HIPK3: variants seen among roughly 807,000 people sequenced by gnomAD.
The protein encoded by HIPK3 is homeodomain-interacting protein kinase 3.
HIPK3 carries 47 observed loss-of-function variants against 124.2 expected under a neutral mutation model. That is an observed-to-expected ratio of 0.38 (90% CI 0.30 to 0.48). The LOEUF (loss-of-function observed/expected upper bound fraction) is 0.48, where lower values mean the gene tolerates loss of function less well. Among genes scored for constraint, HIPK3 ranks in the 20% least tolerant of loss-of-function variants. HIPK3 has a pLI of 0.98. For synonymous variants in HIPK3, 482 were observed against 515.2 expected (o/e 0.94, Z 0.87); for missense variants, 1,286 against 1,454.3 (o/e 0.88, Z 1.88).
intron 2 of HIPK3, among the ~76,000 whole-genome samples, chr11:33,317,831 A>G (rs931383058): frequency 1.3e-5 from 2 of 152,196 alleles, no homozygotes; most frequent in Non-Finnish European, 2.9e-5. Flanking sequence ...ATGAATTGGT[A>G]TCTGTGACTA....
rs192953951 is a variant in HIPK3, at chr11:33,322,799, C to T, written c.1098-5711C>T. ...CAAGGCTGCGCCACTGCACTCCAGC[C>T]TGGGTGACAGAGCGAGACTCCGTCT... On this transcript the variant is annotated intron_variant, in intron 2 of 16. Coordinates refer to ENST00000303296, the MANE Select transcript of HIPK3 (RefSeq NM_005734.5). Among the ~76,000 whole-genome samples the T allele has an allele frequency of 1.7e-3, 265 of 152,292 alleles. 1 individual carries two copies. The highest frequency in any genetic ancestry group is 2.9e-3 in the Non-Finnish European group (196 of 68,016).
intron 1 of HIPK3, among the ~76,000 whole-genome samples, chr11:33,283,942 T>C (rs1851480088): frequency 6.6e-6 from 1 of 152,190 alleles, no homozygotes; most frequent in Non-Finnish European, 1.5e-5. Context: ...CCCAAAGTGC[T>C]GGGAATACAG....
intron 2 of HIPK3, among the ~76,000 whole-genome samples, chr11:33,312,249 A>G (rs1852371977): frequency 6.6e-6 from 1 of 152,148 alleles, no homozygotes; most frequent in South Asian, 2.1e-4. Flanking sequence ...AATTCAGTAT[A>G]TTTGAAGGTG....
At chr11:33,327,645 A>T (rs1852851677) in intron 2 of HIPK3, among the ~76,000 whole-genome samples, 1 of 152,198 alleles carries the variant, frequency 6.6e-6, no homozygotes, top group Non-Finnish European at 1.5e-5. Flanking sequence ...AAGTATACAG[A>T]TATTTGGCAA....
chr11:33,341,658 A>C lies in HIPK3; in HGVS notation c.1869A>C (p.Thr623=), dbSNP rs1271172227. 2 of 1,613,474 alleles carry C rather than the reference A, an allele frequency of 1.2e-6. No homozygotes were observed. The highest frequency in any genetic ancestry group is 1.7e-6 in the Non-Finnish European group (2 of 1,179,626). The change falls in exon 8 of 17, where the codon ACA becomes ACC. Residue 623 remains threonine (T), a synonymous_variant. Transcript: ENST00000303296. ...GTTGTGGTGATGCTTTTCAGCAGAC[A>C]TTGATTATCTGTCCCCCAGCTATTC... is the stretch of plus-strand genomic sequence containing the variant. ...QFGCGDAFQQ[T]LIICPPAIQG...
chr11:33,348,076 T>C (rs1590193384), intron 11 of HIPK3, 63 bp downstream of exon 11: 43 of 1,607,782 alleles, frequency 2.7e-5, no homozygotes, highest in Non-Finnish European at 3.6e-5. Flanking sequence ...ATTTTGCATG[T>C]ACTCTAAAGG....
intron 2 of HIPK3, among the ~76,000 whole-genome samples, chr11:33,324,647 C>G (rs1020416108): frequency 8.5e-5 from 13 of 152,206 alleles, no homozygotes; most frequent in African/African-American, 3.1e-4. Flanking sequence ...CCTTTGGGCC[C>G]CTTCCCACCA....
intron 2 of HIPK3, among the ~76,000 whole-genome samples, chr11:33,314,892 CAT>C (rs1222761641): frequency 6.6e-6 from 1 of 152,118 alleles, no homozygotes; most frequent in Non-Finnish European, 1.5e-5. Context: ...AAATTTAAGA[CAT>C]AATTGGATTG....
At chr11:33,303,830 A>T (rs16924133) in intron 2 of HIPK3, among the ~76,000 whole-genome samples, 14,938 of 152,258 alleles carry the variant, frequency 0.098, 1,666 homozygotes, top group African/African-American at 0.28. Context: ...CTAAACTTTG[A>T]CATTAAAAGG....
intron 1 of HIPK3, among the ~76,000 whole-genome samples, chr11:33,277,040 A>G (rs934276666): frequency 6.6e-6 from 1 of 152,188 alleles, no homozygotes; most frequent in African/African-American, 2.4e-5. Flanking sequence ...CAATTACTAA[A>G]ATAGGTTATT....
chr11:33,352,039 G>A (rs1853677294), intron 15 of HIPK3, 99 bp from the exon 16 acceptor site: 2 of 1,221,882 alleles, frequency 1.6e-6, no homozygotes, highest in Non-Finnish European at 2.3e-6. Context: ...TAATTTTAAG[G>A]CTCTCAAATC....
At chr11:33,350,417 A>T (rs1187201818) in intron 14 of HIPK3, among the ~76,000 whole-genome samples, 3 of 152,100 alleles carry the variant, frequency 2.0e-5, no homozygotes, top group African/African-American at 7.2e-5. Context: ...TTGTAATCCC[A>T]GCACTTTGGG....
intron 1 of HIPK3, chr11:33,258,629 G>T (rs1850739555): frequency 1.0e-6 from 1 of 985,404 alleles, no homozygotes; most frequent in Non-Finnish European, 1.2e-6. Context: ...GAGAACTGGC[G>T]GAAAGACTTT....
At chr11:33,303,111 TGA>T (rs1433274698) in intron 2 of HIPK3, among the ~76,000 whole-genome samples, 1 of 152,216 alleles carries the variant, frequency 6.6e-6, no homozygotes, top group Non-Finnish European at 1.5e-5. Flanking sequence ...GGTTGTCCCT[TGA>T]TATCTGAGGG....
In HIPK3 at chr11:33,348,100, A is replaced by G; in HGVS notation, c.2307-66A>G. The G allele has an allele frequency of 2.4e-5, 38 of 1,601,692 alleles. No homozygotes were observed. In the South Asian group the frequency reaches 2.4e-4, roughly 10 times the overall value. On this transcript the variant is annotated intron_variant, in intron 11 of 16. Coordinates refer to ENST00000303296, the MANE Select transcript of HIPK3 (RefSeq NM_005734.5). ...GTACTCTAAAGGGTCACTCTGTTGT[A>G]TTCAAAATGACCTCTTTTATAGCTT... is the stretch of plus-strand genomic sequence containing the variant.
chr11:33,311,504 A>G (rs752810092), intron 2 of HIPK3, among the ~76,000 whole-genome samples: 37 of 152,058 alleles, frequency 2.4e-4, no homozygotes, highest in Admixed American at 4.6e-4. Flanking sequence ...GTTTTTCAAT[A>G]GACTATTTTG....
chr11:33,338,918 G>T, intron 5 of HIPK3, 75 bp downstream of exon 5: 2 of 975,244 alleles, frequency 2.1e-6, no homozygotes, highest in Non-Finnish European at 3.2e-6. Context: ...CCCAAAACAT[G>T]TTACTCAGTT....
intron 2 of HIPK3, among the ~76,000 whole-genome samples, chr11:33,297,473 G>T (rs1371332764): frequency 3.3e-5 from 5 of 152,172 alleles, no homozygotes; most frequent in Non-Finnish European, 7.3e-5. Context: ...CCAGAGCCAG[G>T]CCTTAACTCT....
intron 1 of HIPK3, among the ~76,000 whole-genome samples, chr11:33,269,313 A>G (rs1366474204): frequency 1.3e-5 from 2 of 152,172 alleles, no homozygotes; most frequent in Non-Finnish European, 2.9e-5. Flanking sequence ...CTCTGGACTT[A>G]ATTCCAACAG....
Sources: gnomAD v4.1 joint callset for allele counts (sites outside exome capture counted in the v4.1 genomes callset) on GRCh38, gnomAD v4.1.1 for gene constraint, MANE v1.5 for transcripts, NCBI Gene and HGNC (gene_info 2026-07-23, HGNC 2026-07-21) for gene names.